The following SDK1 variants were observed in gnomAD, a reference collection of about 807,000 sequenced individuals.
The protein encoded by SDK1 is protein sidekick-1.
Under a neutral mutation model 245.5 loss-of-function variants are expected in SDK1, and 157 were observed. The observed-to-expected ratio is 0.64, with a 90% CI of 0.56 to 0.73. The LOEUF is 0.73. Ranked by LOEUF, SDK1 falls within the 30% of genes least tolerant of loss-of-function variation. The pLI, the probability that SDK1 is intolerant of heterozygous loss-of-function variation, is 0.00. For synonymous variants in SDK1, 1,647 were observed against 1,278.5 expected, an observed-to-expected ratio of 1.29 and a Z score of -6.15; for missense variants, 3,583 against 3,002.3, an observed-to-expected ratio of 1.19 and a Z score of -4.52.
intron 42 of SDK1, among the ~76,000 whole-genome samples, chr7:4,238,760 C>G (rs1288482303): frequency 6.6e-6 from 1 of 151,738 alleles, no homozygotes; most frequent in Admixed American, 6.6e-5. Flanking sequence ...GTTGGTCAGG[C>G]TGGTCTCGAA....
chr7:4,039,051 G>A (rs912451118), intron 17 of SDK1, among the ~76,000 whole-genome samples: 5 of 150,738 alleles, frequency 3.3e-5, no homozygotes, highest in Non-Finnish European at 7.4e-5. Flanking sequence ...AAAACGTAAG[G>A]ACAAAAAACC....
At chr7:4,197,548 G>A (rs778656449) in intron 35 of SDK1, among the ~76,000 whole-genome samples, 34 of 152,282 alleles carry the variant, frequency 2.2e-4, no homozygotes, top group Middle Eastern at 3.4e-3. Context: ...GATGCTTCGC[G>A]GTCAAGGCCT....
At chr7:3,798,871 C>T (rs1332769063) in intron 4 of SDK1, among the ~76,000 whole-genome samples, 1 of 152,182 alleles carries the variant, frequency 6.6e-6, no homozygotes, top group African/African-American at 2.4e-5. Flanking sequence ...GGAGGTTATG[C>T]ACATACTCTG....
chr7:3,979,685 A>C (rs185465283), intron 13 of SDK1, among the ~76,000 whole-genome samples: 2 of 152,288 alleles, frequency 1.3e-5, no homozygotes, highest in African/African-American at 4.8e-5. Context: ...GTCATCATTA[A>C]ATGCTGGTCA....
At chr7:3,356,751 T>C (rs1336337514) in intron 1 of SDK1, among the ~76,000 whole-genome samples, 1 of 152,082 alleles carries the variant, frequency 6.6e-6, no homozygotes, top group East Asian at 1.9e-4. Flanking sequence ...CTGCGTTCTT[T>C]TGTACAAAAA....
In SDK1 at chr7:3,301,339, C is replaced by T. The variant is rs189148377; in HGVS notation, c.-248C>T. ...CCCCTCGGAGCTAGCGCGGCGGGCT[C>T]GGGACTGCGTGAGCGCCGGACGCGA... On this transcript the variant is annotated 5_prime_UTR_variant, in exon 1 of 45. Transcript: ENST00000404826. 4,067 of 147,592 alleles carry T rather than the reference C, an allele frequency of 0.028. 197 individuals carry two copies. Among genetic ancestry groups the T allele is most frequent in the African/African-American group, 0.094 (3,824 of 40,758 alleles). The allele number at this position is 147,592 out of a possible 1,614,324, so 9.1% of individuals were successfully genotyped here.
chr7:4,238,990 A>G (rs902734787), intron 42 of SDK1, among the ~76,000 whole-genome samples: 1 of 152,184 alleles, frequency 6.6e-6, no homozygotes, highest in African/African-American at 2.4e-5. Context: ...TCACAGAAGC[A>G]TCTCCATGGC....
At chr7:4,232,999 C>T (rs961016989) in intron 40 of SDK1, 8 of 391,124 alleles carry the variant, frequency 2.0e-5, no homozygotes, top group African/African-American at 1.4e-4. Context: ...TAACGTTTCC[C>T]ACTATGACCA....
chr7:3,860,942 A>T (rs1171578121), intron 5 of SDK1, among the ~76,000 whole-genome samples: 1 of 152,126 alleles, frequency 6.6e-6, no homozygotes, highest in East Asian at 1.9e-4. Context: ...CAAAGGCCGA[A>T]TGAAGCTCAC....
intron 14 of SDK1, among the ~76,000 whole-genome samples, chr7:4,004,463 A>T (rs139208252): frequency 0.011 from 1,694 of 152,344 alleles, 16 homozygotes; most frequent in Non-Finnish European, 0.019. Flanking sequence ...TAAAAATGCA[A>T]AGTAAAGCAT....
chr7:3,786,275 A>C (rs41897), intron 4 of SDK1, among the ~76,000 whole-genome samples: 11,076 of 152,278 alleles, frequency 0.073, 1,220 homozygotes, highest in African/African-American at 0.24. Context: ...CCTGCATAAT[A>C]AGTAATCTCT....
At chr7:4,201,058 G>A (rs1783852334) in intron 35 of SDK1, among the ~76,000 whole-genome samples, 1 of 152,192 alleles carries the variant, frequency 6.6e-6, no homozygotes, top group African/African-American at 2.4e-5. Flanking sequence ...GGGGTGCACT[G>A]GGCACCATGT....
intron 1 of SDK1, among the ~76,000 whole-genome samples, chr7:3,342,686 G>C (rs935134514): frequency 1.3e-5 from 2 of 152,080 alleles, no homozygotes; most frequent in Admixed American, 1.3e-4. Context: ...AGAAAAACTT[G>C]GTAAGTTAGA....
chr7:3,369,071 G>A (rs564741585), intron 1 of SDK1, among the ~76,000 whole-genome samples: 1 of 151,628 alleles, frequency 6.6e-6, no homozygotes, highest in Non-Finnish European at 1.5e-5. Context: ...TTGAGACAGA[G>A]TCTTGCTCTG....
At chr7:4,062,855 C>T (rs950106438) in intron 19 of SDK1, among the ~76,000 whole-genome samples, 20 of 152,084 alleles carry the variant, frequency 1.3e-4, no homozygotes, top group African/African-American at 4.6e-4. Context: ...AGACAAAAAC[C>T]ATGTGATCAT....
chr7:3,723,767 T>C (rs1253470049), intron 4 of SDK1, among the ~76,000 whole-genome samples: 1 of 150,792 alleles, frequency 6.6e-6, no homozygotes, highest in Non-Finnish European at 1.5e-5. Context: ...TACATATACA[T>C]ATACACGTGT....
chr7:3,757,286 C>A (rs1036874806), intron 4 of SDK1, among the ~76,000 whole-genome samples: 2 of 152,138 alleles, frequency 1.3e-5, no homozygotes, highest in Non-Finnish European at 2.9e-5. Flanking sequence ...TTACTTACTT[C>A]CTTTTTTTGA....
chr7:3,918,240 C>T (rs761711490), intron 5 of SDK1, among the ~76,000 whole-genome samples: 26 of 152,152 alleles, frequency 1.7e-4, no homozygotes, highest in African/African-American at 5.6e-4. Context: ...AGACTGGTAT[C>T]GGTCCATGGC....
chr7:3,749,366 C>G (rs981931192), intron 4 of SDK1, among the ~76,000 whole-genome samples: 3 of 152,132 alleles, frequency 2.0e-5, no homozygotes, highest in African/African-American at 7.2e-5. Flanking sequence ...ATGGCACGAT[C>G]TCAGCTCACT....
Sources: gnomAD v4.1 joint callset for allele counts (sites outside exome capture counted in the v4.1 genomes callset) on GRCh38, gnomAD v4.1.1 for gene constraint, MANE v1.5 for transcripts, NCBI Gene and HGNC (gene_info 2026-07-23, HGNC 2026-07-21) for gene names.